LMBRD1: variants seen among roughly 807,000 people sequenced by gnomAD.
LMBRD1 encodes the protein LMBR1 domain containing 1.
A neutral mutation model predicts 74.8 loss-of-function variants in LMBRD1; 64 were observed. The observed-to-expected ratio is 0.86, with a 90% CI of 0.70 to 1.05. The LOEUF is 1.05. Ranked by LOEUF, LMBRD1 falls within the 50% of genes least tolerant of loss-of-function variation. The pLI is 0.00. For synonymous variants in LMBRD1, 204 were observed against 216.3 expected, an observed-to-expected ratio of 0.94 and a Z score of 0.50; for missense variants, 652 against 645.9, an observed-to-expected ratio of 1.01 and a Z score of -0.10.
At chr6:69,703,207 A>G (rs1766171667) in intron 9 of LMBRD1, among the ~76,000 whole-genome samples, 1 of 152,112 alleles carries the variant, frequency 6.6e-6, no homozygotes, top group African/African-American at 2.4e-5. Context: ...GCTCATTAGT[A>G]GAGGGTATAA....
At chr6:69,691,794 T>G (rs887838646) in intron 14 of LMBRD1, among the ~76,000 whole-genome samples, 12 of 144,434 alleles carry the variant, frequency 8.3e-5, no homozygotes, top group African/African-American at 3.1e-4. Context: ...GAGAATGGCA[T>G]GAACCCGGGA....
intron 14 of LMBRD1, among the ~76,000 whole-genome samples, chr6:69,697,051 TAC>T (rs940491180): frequency 6.6e-6 from 1 of 150,808 alleles, no homozygotes; most frequent in Admixed American, 6.6e-5. Context: ...ACTCTAAAAA[TAC>T]ACAGAGGTTA....
At chr6:69,680,849 G>C (rs1262519549) in intron 14 of LMBRD1, among the ~76,000 whole-genome samples, 1 of 152,014 alleles carries the variant, frequency 6.6e-6, no homozygotes, top group Non-Finnish European at 1.5e-5. Context: ...ATGGAGGGGA[G>C]TGCCGTTCTT....
chr6:69,706,056 A>G, intron 9 of LMBRD1: 1 of 719,464 alleles, frequency 1.4e-6, no homozygotes, highest in Non-Finnish European at 2.5e-6. Context: ...CATTTTCATC[A>G]TTATCCACCT....
chr6:69,745,709 T>C (rs562200158), intron 5 of LMBRD1, among the ~76,000 whole-genome samples: 39 of 152,296 alleles, frequency 2.6e-4, no homozygotes, highest in African/African-American at 8.2e-4. Flanking sequence ...ACACTTTTTA[T>C]GTCATTCTTC....
chr6:69,719,168 A>C, intron 7 of LMBRD1, 87 bp from the exon 8 acceptor site: 1 of 1,273,978 alleles, frequency 7.8e-7, no homozygotes, highest in South Asian at 1.3e-5. Context: ...TTTTAAAGTC[A>C]TAAGAGTCAG....
At chr6:69,767,435 T>G (rs1227864622) in intron 3 of LMBRD1, among the ~76,000 whole-genome samples, 2 of 151,812 alleles carry the variant, frequency 1.3e-5, no homozygotes, top group Non-Finnish European at 3.0e-5. Context: ...CAATCTACCT[T>G]GTGATTTCAT....
intron 3 of LMBRD1, among the ~76,000 whole-genome samples, chr6:69,779,188 A>AT (rs1290105745): frequency 6.6e-6 from 1 of 151,180 alleles, no homozygotes. Context: ...TCAGTCTCAA[A>AT]AAAAAAAAAA....
chr6:69,687,704 G>T (rs1459741750), intron 14 of LMBRD1, among the ~76,000 whole-genome samples: 1 of 152,076 alleles, frequency 6.6e-6, no homozygotes, highest in African/African-American at 2.4e-5. Flanking sequence ...CAAATAAAGA[G>T]GGTAACTTTC....
chr6:69,749,203 T>C, intron 5 of LMBRD1, 138 bp downstream of exon 5: 1 of 698,712 alleles, frequency 1.4e-6, no homozygotes, highest in Non-Finnish European at 2.4e-6. Flanking sequence ...CTATTGTTCC[T>C]TGGAGATTTA....
intron 3 of LMBRD1, among the ~76,000 whole-genome samples, chr6:69,764,789 G>A (rs1326622316): frequency 1.3e-5 from 2 of 152,004 alleles, no homozygotes; most frequent in African/African-American, 4.8e-5. Flanking sequence ...TTTTAATTGT[G>A]TCTTTTGAAA....
rs1228936901 is a variant in LMBRD1 at position 69,749,409 on chromosome 6, C to T, written c.406-1G>A. 6.2e-7 allele frequency: 1 copy of T among 1,611,194 alleles called. No homozygotes were observed. The highest frequency in any genetic ancestry group is 2.2e-5 in the East Asian group (1 of 44,718). ...TATACTTGAGTGCCGTTTTAATTTG[C>T]TAGATGCCAAGGAGAAAAAAGTATA... is the stretch of plus-strand genomic sequence containing the variant. On this transcript the variant is annotated splice_acceptor_variant, in intron 4 of 15. Coordinates refer to ENST00000649934, the MANE Select transcript of LMBRD1 (RefSeq NM_018368.4). LOFTEE classifies it high-confidence loss of function.
At chr6:69,690,364 T>A (rs1765850936) in intron 14 of LMBRD1, among the ~76,000 whole-genome samples, 1 of 152,100 alleles carries the variant, frequency 6.6e-6, no homozygotes, top group Non-Finnish European at 1.5e-5. Flanking sequence ...AACTAAACTC[T>A]ACATTCTCCC....
intron 4 of LMBRD1, among the ~76,000 whole-genome samples, chr6:69,750,176 T>C (rs1459320512): frequency 6.7e-6 from 1 of 150,350 alleles, no homozygotes; most frequent in Non-Finnish European, 1.5e-5. Flanking sequence ...ATATATCTTA[T>C]ACATATATAA....
chr6:69,741,931 A>C, intron 5 of LMBRD1, 54 bp from the exon 6 acceptor site: 1 of 997,992 alleles, frequency 1.0e-6, no homozygotes, highest in Non-Finnish European at 1.6e-6. Flanking sequence ...AAGTTAAATT[A>C]AATGGTTTGA....
At position 69,728,549 on chromosome 6, in the gene LMBRD1, C is replaced by T. The variant is rs1242195810; in HGVS notation, c.636+9393G>A. 2.6e-5 allele frequency among the ~76,000 whole-genome samples: 4 copies of T among 152,232 alleles called. No individual in the cohort carries two copies. The South Asian group carries it at 8.3e-4, about 32-fold the overall frequency. ...ATTCTGTGTTGGATGGATTAGGTTC[C>T]CTGAATGCACTAACTGCAGTACTCG... On this transcript the variant is annotated intron_variant, in intron 7 of 15. Transcript: ENST00000649934.
intron 3 of LMBRD1, among the ~76,000 whole-genome samples, chr6:69,779,041 C>A (rs1268288450): frequency 6.6e-6 from 1 of 152,002 alleles, no homozygotes; most frequent in East Asian, 1.9e-4. Context: ...CAAAAATTAG[C>A]TGGGCGTGAT....
At chr6:69,746,902 C>T (rs1204698374) in intron 5 of LMBRD1, 2 of 152,464 alleles carry the variant, frequency 1.3e-5, no homozygotes, top group Admixed American at 1.3e-4. Flanking sequence ...AGAGAGAGGC[C>T]CTCAGCTGCT....
At chr6:69,728,655 G>A (rs930974422) in intron 7 of LMBRD1, among the ~76,000 whole-genome samples, 1 of 152,120 alleles carries the variant, frequency 6.6e-6, no homozygotes, top group African/African-American at 2.4e-5. Context: ...CAAACACAAG[G>A]CCTTCTGAAT....
Sources: allele counts gnomAD v4.1 joint callset (sites outside exome capture counted in the v4.1 genomes callset), GRCh38; gene constraint gnomAD v4.1.1; transcripts MANE v1.5; gene names NCBI Gene and HGNC (gene_info 2026-07-23, HGNC 2026-07-21).